The following GALNTL6 variants were observed in gnomAD, a reference collection of about 807,000 sequenced individuals.
GALNTL6 encodes polypeptide N-acetylgalactosaminyltransferase like 6.
A neutral mutation model predicts 73.7 loss-of-function variants in GALNTL6; 46 were observed. The ratio of observed to expected loss-of-function variants is 0.62; its 90% confidence interval spans 0.49 to 0.80. The LOEUF (loss-of-function observed/expected upper bound fraction) is 0.80, where lower values mean the gene tolerates loss of function less well. Among genes scored for constraint, GALNTL6 ranks in the 30% least tolerant of loss-of-function variants. The pLI is 0.00. For missense variants in GALNTL6, 604 were observed against 755.0 expected, an observed-to-expected ratio of 0.80 and a Z score of 2.34; for synonymous variants, 259 against 263.7, an observed-to-expected ratio of 0.98 and a Z score of 0.17.
rs146539347 is a variant in GALNTL6 at position 172,587,832 on chromosome 4, A to G, written c.554-221529A>G. ...TGTGTGTCTGTGTGTGTGTGCATGT[A>G]CACACATATTCACACATGAGCTGTG... On this transcript the variant is annotated intron_variant, in intron 5 of 12. Coordinates refer to ENST00000506823, the MANE Select transcript of GALNTL6 (RefSeq NM_001034845.3). 3.3e-3 allele frequency among the ~76,000 whole-genome samples: 502 copies of G among 152,286 alleles called. 3 individuals carry two copies. The highest frequency in any genetic ancestry group is 0.011 in the African/African-American group (478 of 41,566).
intron 2 of GALNTL6, among the ~76,000 whole-genome samples, chr4:172,113,137 T>C (rs1293832473): frequency 6.6e-6 from 1 of 151,966 alleles, no homozygotes; most frequent in Non-Finnish European, 1.5e-5. Context: ...ATTTGAGTAA[T>C]AGTGGATCTG....
chr4:171,932,014 ATATAT>A (rs1347371729), intron 2 of GALNTL6, among the ~76,000 whole-genome samples: 2 of 152,182 alleles, frequency 1.3e-5, no homozygotes, highest in South Asian at 2.1e-4. Flanking sequence ...GTTTATAGTA[ATATAT>A]TATAGAGTGA....
intron 2 of GALNTL6, among the ~76,000 whole-genome samples, chr4:172,036,498 A>C (rs1337235959): frequency 3.3e-5 from 5 of 152,148 alleles, no homozygotes; most frequent in African/African-American, 1.2e-4. Context: ...CAATAGCATA[A>C]TACCATTAGA....
intron 2 of GALNTL6, among the ~76,000 whole-genome samples, chr4:171,819,333 A>T (rs903980175): frequency 6.6e-6 from 1 of 152,192 alleles, no homozygotes; most frequent in Non-Finnish European, 1.5e-5. Flanking sequence ...AGATCACTAC[A>T]TGATTAGTTC....
intron 5 of GALNTL6, among the ~76,000 whole-genome samples, chr4:172,770,265 C>CAATAAATAAGTAAATA (rs1738686354): frequency 2.8e-5 from 4 of 141,348 alleles, no homozygotes; most frequent in Admixed American, 2.1e-4. Context: ...GACTCCATCT[C>CAATAAATAAGTAAATA]AATAAATAAA....
At chr4:172,307,974 C>T in intron 3 of GALNTL6, among the ~76,000 whole-genome samples, 1 of 141,658 alleles carries the variant, frequency 7.1e-6, no homozygotes, top group Non-Finnish European at 1.5e-5. Context: ...ATTGATTCTA[C>T]CCATCCATGA....
At chr4:172,327,630 T>G (rs960812906) in intron 4 of GALNTL6, among the ~76,000 whole-genome samples, 2 of 152,180 alleles carry the variant, frequency 1.3e-5, no homozygotes, top group Non-Finnish European at 2.9e-5. Flanking sequence ...ATTGAACCCT[T>G]CACCATTATG....
rs541546101 is a variant in GALNTL6, at chr4:172,300,874, T to C, written c.248-10740T>C. On this transcript the variant is annotated intron_variant, in intron 3 of 12. Transcript: ENST00000506823. ...GAGTTGCTCTTCTCGAGGAGTATCT[T>C]TGTGGCATTCTCTGTATTTCCTGAA... Among the ~76,000 whole-genome samples, 5 of 152,272 alleles carry C rather than the reference T, an allele frequency of 3.3e-5. No individual in the cohort carries two copies. The East Asian group carries it at 9.7e-4, about 29-fold the overall frequency.
At chr4:172,064,814 G>A (rs1307306937) in intron 2 of GALNTL6, among the ~76,000 whole-genome samples, 1 of 151,904 alleles carries the variant, frequency 6.6e-6, no homozygotes, top group Non-Finnish European at 1.5e-5. Context: ...TCACCTCCAG[G>A]TGGTCCCATC....
At chr4:172,653,930 A>G (rs938434012) in intron 5 of GALNTL6, among the ~76,000 whole-genome samples, 17 of 152,346 alleles carry the variant, frequency 1.1e-4, no homozygotes, top group African/African-American at 3.4e-4. Flanking sequence ...TTTAATGTGC[A>G]TAACTGTCCT....
chr4:171,991,190 A>C (rs976300550), intron 2 of GALNTL6, among the ~76,000 whole-genome samples: 7 of 152,216 alleles, frequency 4.6e-5, no homozygotes, highest in Admixed American at 3.9e-4. Flanking sequence ...GACATTGGAT[A>C]GTCATAGACC....
intron 2 of GALNTL6, among the ~76,000 whole-genome samples, chr4:172,217,020 A>T (rs1420611845): frequency 6.6e-6 from 1 of 152,148 alleles, no homozygotes; most frequent in Non-Finnish European, 1.5e-5. Flanking sequence ...TAGAAAGGAA[A>T]TGTTCAGGTT....
chr4:172,145,048 C>A (rs1413197572), intron 2 of GALNTL6, among the ~76,000 whole-genome samples: 1 of 152,108 alleles, frequency 6.6e-6, no homozygotes, highest in East Asian at 1.9e-4. Context: ...GTCTCAACCT[C>A]CCAGCCTTAG....
intron 8 of GALNTL6, among the ~76,000 whole-genome samples, chr4:172,900,491 C>T (rs979668130): frequency 6.6e-6 from 1 of 152,112 alleles, no homozygotes; most frequent in African/African-American, 2.4e-5. Context: ...TCTATTAATA[C>T]AGCAACAAAT....
Position 172,523,447 on chromosome 4 carries a change from C to T in GALNTL6, c.553+174758C>T, listed in dbSNP as rs902269129. ...TGGCTCGATCTCGGCTCATTGCAAC[C>T]TCCACCTCCTGGGCTCAAGTTATCC... is the stretch of plus-strand genomic sequence containing the variant. On this transcript the variant is annotated intron_variant, in intron 5 of 12. Transcript: ENST00000506823. 2.6e-5 allele frequency among the ~76,000 whole-genome samples: 4 copies of T among 152,098 alleles called. No individual in the cohort carries two copies. The Middle Eastern group carries it at 9.5e-3, about 361-fold the overall frequency.
intron 5 of GALNTL6, among the ~76,000 whole-genome samples, chr4:172,515,504 G>A (rs1734573209): frequency 6.6e-6 from 1 of 152,194 alleles, no homozygotes; most frequent in Admixed American, 6.5e-5. Context: ...GATGTCTTAG[G>A]TCAGGTTGCC....
At chr4:172,610,654 A>G (rs1016772304) in intron 5 of GALNTL6, among the ~76,000 whole-genome samples, 9 of 152,000 alleles carry the variant, frequency 5.9e-5, no homozygotes, top group Admixed American at 3.3e-4. Context: ...ATTAGACTGT[A>G]TATTCTGTTG....
At chr4:172,118,273 C>T (rs1334576248) in intron 2 of GALNTL6, among the ~76,000 whole-genome samples, 1 of 152,000 alleles carries the variant, frequency 6.6e-6, no homozygotes, top group East Asian at 1.9e-4. Context: ...CAAGTGTTTT[C>T]CCTAAAGGCT....
intron 2 of GALNTL6, among the ~76,000 whole-genome samples, chr4:171,968,509 T>C (rs1739456665): frequency 6.6e-6 from 1 of 152,330 alleles, no homozygotes; most frequent in Non-Finnish European, 1.5e-5. Flanking sequence ...TTCCATTAGA[T>C]TTAGGGCTTA....
Sources: allele counts gnomAD v4.1 joint callset (sites outside exome capture counted in the v4.1 genomes callset), GRCh38; gene constraint gnomAD v4.1.1; transcripts MANE v1.5; gene names NCBI Gene and HGNC (gene_info 2026-07-23, HGNC 2026-07-21).